Variants in SNAPC3 observed in about 807,000 individuals in gnomAD.
The protein encoded by SNAPC3 is small nuclear RNA activating complex polypeptide 3.
Under a neutral mutation model 47.7 loss-of-function variants are expected in SNAPC3, and 56 were observed. The ratio of observed to expected loss-of-function variants is 1.18; its 90% CI spans 0.95 to 1.47. SNAPC3 has a LOEUF of 1.47. SNAPC3 is among the 40% of genes most tolerant of loss of function. The pLI is 0.00. For missense variants in SNAPC3, 665 were observed against 511.3 expected, an observed-to-expected ratio of 1.30 and a Z score of -2.90; for synonymous variants, 235 against 189.9, an observed-to-expected ratio of 1.24 and a Z score of -1.95.
chr9:15,465,174 G>C (rs971317842), downstream of SNAPC3: 4 of 248,296 alleles, frequency 1.6e-5, no homozygotes, highest in Admixed American at 1.1e-4. Context: ...AAGAGGCAAG[G>C]TTTATACAAG....
chr9:15,453,573 T>A (rs992821283), intron 7 of SNAPC3: 1 of 156,448 alleles, frequency 6.4e-6, no homozygotes, highest in Non-Finnish European at 1.4e-5. Flanking sequence ...TGCCAAAATT[T>A]GAAGAAGATA....
chr9:15,457,324 G>A (rs1474727729), intron 7 of SNAPC3, among the ~76,000 whole-genome samples: 4 of 152,150 alleles, frequency 2.6e-5, no homozygotes, highest in African/African-American at 4.8e-5. Flanking sequence ...GCCAGGTGTC[G>A]TGGCTCACAG....
chr9:15,443,084 T>A (rs1009794817), intron 3 of SNAPC3, among the ~76,000 whole-genome samples: 2 of 151,972 alleles, frequency 1.3e-5, no homozygotes, highest in African/African-American at 4.8e-5. Flanking sequence ...GGCAGGAGAA[T>A]CAGGCAGGGA....
intron 6 of SNAPC3, 100 bp downstream of exon 6, chr9:15,451,502 C>G (rs746039802): frequency 7.4e-5 from 37 of 503,048 alleles, no homozygotes; most frequent in Non-Finnish European, 1.3e-4. Flanking sequence ...AGGACCTTTG[C>G]CAAGGAATTA....
chr9:15,465,487 C>A (rs768978089), downstream of SNAPC3: 1 of 1,482,040 alleles, frequency 6.7e-7, no homozygotes, highest in South Asian at 1.2e-5. Flanking sequence ...TTACAAACTT[C>A]TCAAGTGTTC....
chr9:15,462,358 C>T (rs2035278527), downstream of SNAPC3: 1 of 152,152 alleles, frequency 6.6e-6, no homozygotes, highest in African/African-American at 2.4e-5. Context: ...CCACAGTTTG[C>T]CCGTGTGTTA....
Position 15,423,039 on chromosome 9 carries a change from C to T in SNAPC3, c.160C>T (p.Arg54Cys), listed in dbSNP as rs1054287996. The change falls in exon 1 of 9, where the codon CGT becomes TGT. Residue 54 changes from arginine (R) to cysteine (C), a missense_variant. Coordinates refer to ENST00000380821, the MANE Select transcript of SNAPC3 (RefSeq NM_001039697.2). The part of the protein sequence containing the change: ...VGAFGELWRG[R>C]LRGAGDLSLR... Reference sequence around the variant, plus strand: ...CGCCTTTGGGGAGCTGTGGCGGGGCCGTCTGCGCGGGGCCGGGGACTTGTC... The same window carrying T: ...CGCCTTTGGGGAGCTGTGGCGGGGCTGTCTGCGCGGGGCCGGGGACTTGTC... The T allele has an allele frequency of 1.3e-6, 2 of 1,519,708 alleles. No individual in the cohort carries two copies. Among genetic ancestry groups the T allele is most frequent in the Non-Finnish European group, 1.8e-6 (2 of 1,140,112 alleles). The allele number at this position is 1,519,708 out of a possible 1,614,324, so 94.1% of individuals were successfully genotyped here.
In SNAPC3 at chr9:15,457,961, C is replaced by CT; in HGVS notation, c.984dup (p.Val329CysfsTer4). 6.4e-7 allele frequency: 1 copy of CT among 1,564,186 alleles called. No homozygotes were observed. The highest frequency in any genetic ancestry group is 8.7e-7 in the Non-Finnish European group (1 of 1,154,374). ...TCTTTATTTTCCCACGAACAAAAGG[C>CT]TTGTGCATCATGATGACTGCTTGGA... On this transcript the variant is annotated frameshift_variant and splice_region_variant, in exon 8 of 9. Coordinates refer to ENST00000380821, the MANE Select transcript of SNAPC3 (RefSeq NM_001039697.2). LOFTEE classifies it high-confidence loss of function.
chr9:15,436,916 C>T lies in SNAPC3; in HGVS notation c.477+3280C>T, dbSNP rs532996735. On this transcript the variant is annotated intron_variant, in intron 3 of 8. Coordinates refer to ENST00000380821, the MANE Select transcript of SNAPC3 (RefSeq NM_001039697.2). ...TTGGCTCACCGCAACCTTCGCCTCCCGGGTTCGAGCGATTCTCCTGCCTCA... is the reference window on the plus strand; with the variant it reads ...TTGGCTCACCGCAACCTTCGCCTCCTGGGTTCGAGCGATTCTCCTGCCTCA... Among the ~76,000 whole-genome samples, 8 of 151,310 alleles carry T rather than the reference C, an allele frequency of 5.3e-5. No homozygotes were observed. In the South Asian group the frequency reaches 1.0e-3, roughly 20 times the overall value.
At chr9:15,463,649 T>A (rs1427626796), downstream of SNAPC3, 1 of 152,066 alleles carries the variant, frequency 6.6e-6, no homozygotes, top group African/African-American at 2.4e-5. Flanking sequence ...TATGAATAAT[T>A]ATCAAGAGTT....
At chr9:15,445,815 G>T (rs1009820520) in intron 4 of SNAPC3, among the ~76,000 whole-genome samples, 7 of 152,238 alleles carry the variant, frequency 4.6e-5, no homozygotes, top group Admixed American at 4.6e-4. Context: ...TAGGTGTGGT[G>T]GTGTGTGCCT....
At chr9:15,429,113 C>G (rs2031821348) in intron 2 of SNAPC3, among the ~76,000 whole-genome samples, 1 of 152,044 alleles carries the variant, frequency 6.6e-6, no homozygotes, top group Non-Finnish European at 1.5e-5. Context: ...GCAAAAAGAA[C>G]ATATAACTTA....
At chr9:15,465,623 TCCTGATG>T, downstream of SNAPC3, 1 of 1,469,298 alleles carries the variant, frequency 6.8e-7, no homozygotes. Flanking sequence ...TAGGATTTTC[TCCTGATG>T]AAGGAAAAAA....
intron 2 of SNAPC3, among the ~76,000 whole-genome samples, chr9:15,429,021 C>T (rs943181864): frequency 2.6e-5 from 4 of 151,788 alleles, no homozygotes; most frequent in African/African-American, 9.7e-5. Flanking sequence ...GAAAAATTAA[C>T]CCAGACTTAT....
At chr9:15,436,785 T>A (rs140188625) in intron 3 of SNAPC3, among the ~76,000 whole-genome samples, 108 of 152,086 alleles carry the variant, frequency 7.1e-4, no homozygotes, top group African/African-American at 2.4e-3. Context: ...ATGAGATTTC[T>A]TTCCATTTAT....
chr9:15,458,190 G>C (rs928829346), intron 8 of SNAPC3, 123 bp downstream of exon 8: 1 of 542,986 alleles, frequency 1.8e-6, no homozygotes. Context: ...GTATCATCTA[G>C]TAGGGAAGTG....
chr9:15,438,057 GT>G (rs2032993370), intron 3 of SNAPC3, among the ~76,000 whole-genome samples: 1 of 152,174 alleles, frequency 6.6e-6, no homozygotes, highest in South Asian at 2.1e-4. Context: ...AGAAACTCTG[GT>G]ATTAATTCTT....
At chr9:15,465,549 A>G, downstream of SNAPC3, 9 of 1,585,234 alleles carry the variant, frequency 5.7e-6, no homozygotes, top group Non-Finnish European at 7.8e-6. Flanking sequence ...TCCTTCAGAG[A>G]TATTTCAGTC....
chr9:15,430,494 A>G (rs1322355918), intron 2 of SNAPC3, among the ~76,000 whole-genome samples: 1 of 152,204 alleles, frequency 6.6e-6, no homozygotes, highest in East Asian at 1.9e-4. Context: ...AAGTAAGTGA[A>G]AAGAAAATAC....
Sources: gnomAD v4.1 joint callset for allele counts (sites outside exome capture counted in the v4.1 genomes callset) on GRCh38, gnomAD v4.1.1 for gene constraint, MANE v1.5 for transcripts, NCBI Gene and HGNC (gene_info 2026-07-23, HGNC 2026-07-21) for gene names.